Variants in TRAPPC9 observed in about 807,000 individuals in gnomAD.
TRAPPC9 encodes trafficking protein particle complex subunit 9.
Under a neutral mutation model 124.0 loss-of-function variants are expected in TRAPPC9, and 83 were observed. That is an observed-to-expected ratio of 0.67 (90% confidence interval 0.56 to 0.80). The LOEUF (loss-of-function observed/expected upper bound fraction) is 0.80. Ranked by LOEUF, TRAPPC9 falls within the 30% of genes least tolerant of loss-of-function variation. TRAPPC9 has a pLI of 0.00. For missense variants in TRAPPC9, 1,302 were observed against 1,508.3 expected, an observed-to-expected ratio of 0.86 and a Z score of 2.27; for synonymous variants, 638 against 617.5, an observed-to-expected ratio of 1.03 and a Z score of -0.49.
intron 17 of TRAPPC9, among the ~76,000 whole-genome samples, chr8:140,183,932 GA>G (rs2062277122): frequency 3.6e-5 from 2 of 55,766 alleles, no homozygotes; most frequent in African/African-American, 1.1e-4. Flanking sequence ...GAGAGGAGAG[GA>G]GAGGAGAGGA....
intron 9 of TRAPPC9, among the ~76,000 whole-genome samples, chr8:140,312,265 G>A (rs1043434789): frequency 6.6e-6 from 1 of 152,218 alleles, no homozygotes; most frequent in Non-Finnish European, 1.5e-5. Context: ...CAAAGTGACT[G>A]CTGATGGGGA....
chr8:140,287,313 C>A (rs2065515415), intron 13 of TRAPPC9, among the ~76,000 whole-genome samples: 1 of 151,950 alleles, frequency 6.6e-6, no homozygotes, highest in African/African-American at 2.4e-5. Flanking sequence ...GGAGTTCCAG[C>A]AAGAAGGAGC....
intron 17 of TRAPPC9, 36 bp downstream of exon 17, chr8:140,221,423 G>T: frequency 6.2e-7 from 1 of 1,612,926 alleles, no homozygotes; most frequent in South Asian, 1.1e-5. Flanking sequence ...AAGCCCGAAC[G>T]GCACGTGGCA....
At chr8:140,310,895 G>A (rs529255797) in intron 10 of TRAPPC9, among the ~76,000 whole-genome samples, 64 of 152,102 alleles carry the variant, frequency 4.2e-4, no homozygotes, top group African/African-American at 1.5e-3. Context: ...CCTGCGGAAA[G>A]GGAAATGACT....
intron 17 of TRAPPC9, among the ~76,000 whole-genome samples, chr8:140,031,652 C>G (rs1397829268): frequency 3.3e-5 from 5 of 152,222 alleles, no homozygotes; most frequent in Non-Finnish European, 5.9e-5. Flanking sequence ...GTCAATGAAA[C>G]TCACAAATAA....
intron 21 of TRAPPC9, among the ~76,000 whole-genome samples, chr8:139,883,869 A>G (rs1199907067): frequency 1.3e-5 from 2 of 152,142 alleles, no homozygotes; most frequent in Non-Finnish European, 2.9e-5. Context: ...TCTGAGCCTT[A>G]GTCTCCCTGT....
chr8:139,872,388 G>GTGGGTGGA (rs1554662468), intron 21 of TRAPPC9, among the ~76,000 whole-genome samples: 2 of 74,806 alleles, frequency 2.7e-5, no homozygotes, highest in African/African-American at 8.4e-5. Context: ...GGATAAGTGG[G>GTGGGTGGA]TGGATGGATG....
At chr8:139,884,182 G>A (rs1829856402) in intron 21 of TRAPPC9, among the ~76,000 whole-genome samples, 1 of 151,782 alleles carries the variant, frequency 6.6e-6, no homozygotes, top group African/African-American at 2.4e-5. Context: ...CTACCCTTAG[G>A]GCCCACCTAG....
At chr8:140,419,947 A>C (rs1057080122) in intron 5 of TRAPPC9, among the ~76,000 whole-genome samples, 1 of 152,180 alleles carries the variant, frequency 6.6e-6, no homozygotes, top group African/African-American at 2.4e-5. Flanking sequence ...TCCTGCCTCT[A>C]GAAAATCCTA....
intron 14 of TRAPPC9, among the ~76,000 whole-genome samples, chr8:140,280,440 A>T (rs1469863596): frequency 6.6e-6 from 1 of 151,844 alleles, no homozygotes; most frequent in East Asian, 1.9e-4. Context: ...TTTTGTTTTT[A>T]TTTTGAGACA....
intron 5 of TRAPPC9, among the ~76,000 whole-genome samples, chr8:140,425,184 G>A (rs971462615): frequency 2.0e-5 from 3 of 152,248 alleles, no homozygotes; most frequent in African/African-American, 7.2e-5. Flanking sequence ...CCCAAGAGCA[G>A]AGGCCAGAAG....
intron 17 of TRAPPC9, among the ~76,000 whole-genome samples, chr8:140,201,226 A>G (rs1353846927): frequency 6.6e-6 from 1 of 152,222 alleles, no homozygotes; most frequent in Admixed American, 6.5e-5. Flanking sequence ...GAGAAAACAG[A>G]AACCTGCGGG....
chr8:140,047,192 T>A (rs1021818093), intron 17 of TRAPPC9, among the ~76,000 whole-genome samples: 1 of 152,220 alleles, frequency 6.6e-6, no homozygotes, highest in Non-Finnish European at 1.5e-5. Flanking sequence ...CCAGGGCGGA[T>A]GGTCACCCGC....
chr8:140,457,895 A>ATG, upstream of TRAPPC9: 1 of 347,384 alleles, frequency 2.9e-6, no homozygotes. Context: ...AAGAGGGGAC[A>ATG]GGGAGGGAGG....
rs2062221130 is a variant in TRAPPC9 at position 140,182,219 on chromosome 8, T to C, written c.2556+39240A>G. Among the ~76,000 whole-genome samples, 2 of 152,104 alleles carry C rather than the reference T, an allele frequency of 1.3e-5. No individual in the cohort carries two copies. Among genetic ancestry groups the C allele is most frequent in the African/African-American group, 2.4e-5 (1 of 41,434 alleles). ...TCTTGCTTTCCAGTGCATACATTTA[T>C]CCAAAAATTCTTTACATTATAGTCT... On this transcript the variant is annotated intron_variant, in intron 17 of 22. Coordinates refer to ENST00000438773, the MANE Select transcript of TRAPPC9 (RefSeq NM_001160372.4). This position sits in a 1 kb window ranked among gnomAD's most constrained non-coding sequence, Gnocchi z 4.0.
chr8:139,754,493 C>T (rs572828549), intron 21 of TRAPPC9, among the ~76,000 whole-genome samples: 57 of 152,258 alleles, frequency 3.7e-4, no homozygotes, highest in African/African-American at 1.2e-3. Flanking sequence ...GGGGTGCTGC[C>T]GTGACCGAGA....
chr8:139,737,105 G>A (rs534525731), intron 21 of TRAPPC9, among the ~76,000 whole-genome samples: 25 of 152,236 alleles, frequency 1.6e-4, no homozygotes, highest in Non-Finnish European at 2.6e-4. Context: ...AAGCGCGGGT[G>A]CTGCTGGGAG....
At chr8:140,264,555 C>T (rs1017011196) in intron 15 of TRAPPC9, among the ~76,000 whole-genome samples, 35 of 130,900 alleles carry the variant, frequency 2.7e-4, no homozygotes, top group Non-Finnish European at 4.7e-4. Flanking sequence ...CTGAATCATC[C>T]TAGAAAAAAA....
intron 17 of TRAPPC9, among the ~76,000 whole-genome samples, chr8:140,035,750 C>G (rs1469366517): frequency 6.6e-6 from 1 of 152,184 alleles, no homozygotes. Flanking sequence ...TGATAAAGGA[C>G]AGGGCACTGT....
Sources: gnomAD v4.1 joint callset for allele counts (sites outside exome capture counted in the v4.1 genomes callset) on GRCh38, gnomAD v4.1.1 for gene constraint, Gnocchi (gnomAD v3.1) non-coding constraint, MANE v1.5 for transcripts, NCBI Gene and HGNC (gene_info 2026-07-23, HGNC 2026-07-21) for gene names.